IQCJ: variants seen among roughly 807,000 people sequenced by gnomAD.
IQCJ encodes the protein IQ domain-containing protein J.
A neutral mutation model predicts 11.0 loss-of-function variants in IQCJ; 9 were observed. The ratio of observed to expected loss-of-function variants is 0.82; its 90% CI spans 0.49 to 1.43. IQCJ has a LOEUF of 1.43. Among genes scored for constraint, IQCJ ranks in the 40% most tolerant of loss-of-function variants. The pLI, the probability that IQCJ is intolerant of heterozygous loss-of-function variation, is 0.00. For synonymous variants in IQCJ, 55 were observed against 51.3 expected (o/e 1.07, Z -0.31); for missense variants, 146 against 133.2 (o/e 1.10, Z -0.47).
chr3:159,159,570 C>A (rs1341451530), intron 1 of IQCJ, among the ~76,000 whole-genome samples: 1 of 152,118 alleles, frequency 6.6e-6, no homozygotes, highest in African/African-American at 2.4e-5. Flanking sequence ...TAACTATATT[C>A]CATTCTTATT....
intron 1 of IQCJ, among the ~76,000 whole-genome samples, chr3:159,147,637 A>T (rs571824149): frequency 6.6e-6 from 1 of 152,236 alleles, no homozygotes; most frequent in Non-Finnish European, 1.5e-5. Flanking sequence ...GGGGAGGGGA[A>T]TTAAGAAGAT....
chr3:159,231,494 G>A (rs1726246031), intron 1 of IQCJ, among the ~76,000 whole-genome samples: 1 of 151,988 alleles, frequency 6.6e-6, no homozygotes, highest in Admixed American at 6.6e-5. Context: ...GCTTGTTTAA[G>A]AATCGTTCCT....
At chr3:159,154,915 C>G (rs1721429583) in intron 1 of IQCJ, among the ~76,000 whole-genome samples, 1 of 152,106 alleles carries the variant, frequency 6.6e-6, no homozygotes, top group Non-Finnish European at 1.5e-5. Flanking sequence ...CTCTCCCTCC[C>G]CTTTACTCCC....
chr3:159,227,550 G>A (rs1725931035), intron 1 of IQCJ, among the ~76,000 whole-genome samples: 1 of 152,152 alleles, frequency 6.6e-6, no homozygotes, highest in Non-Finnish European at 1.5e-5. Flanking sequence ...TAGATTCAAT[G>A]GCTGTCTCCA....
intron 1 of IQCJ, among the ~76,000 whole-genome samples, chr3:159,095,345 G>A (rs1717655829): frequency 6.6e-6 from 1 of 151,418 alleles, no homozygotes; most frequent in South Asian, 2.1e-4. Flanking sequence ...AGATCAAGAG[G>A]AAAATTTATT....
At chr3:159,160,902 A>G (rs1721811893) in intron 1 of IQCJ, among the ~76,000 whole-genome samples, 1 of 152,120 alleles carries the variant, frequency 6.6e-6, no homozygotes, top group Admixed American at 6.6e-5. Flanking sequence ...TGGTGTATAT[A>G]TGCCACACTT....
intron 1 of IQCJ, among the ~76,000 whole-genome samples, chr3:159,103,075 T>G (rs970923118): frequency 6.6e-6 from 1 of 152,224 alleles, no homozygotes; most frequent in Non-Finnish European, 1.5e-5. Context: ...TATTTCTACA[T>G]AGGTCTGTCT....
chr3:159,136,326 G>A (rs1720288221), intron 1 of IQCJ, among the ~76,000 whole-genome samples: 1 of 152,116 alleles, frequency 6.6e-6, no homozygotes, highest in Admixed American at 6.6e-5. Context: ...AAATTGCCAT[G>A]GCCTTTGGGA....
intron 1 of IQCJ, among the ~76,000 whole-genome samples, chr3:159,088,359 T>C (rs2108073975): frequency 6.6e-6 from 1 of 152,286 alleles, no homozygotes; most frequent in African/African-American, 2.4e-5. Flanking sequence ...AATTTTGGAA[T>C]ATGTGTGGTG....
chr3:159,136,910 A>G (rs548472250), intron 1 of IQCJ, among the ~76,000 whole-genome samples: 1 of 152,330 alleles, frequency 6.6e-6, no homozygotes, highest in South Asian at 2.1e-4. Context: ...GTAAATTGAC[A>G]GCACAAATAC....
chr3:159,082,949 A>C (rs1223968906), intron 1 of IQCJ, among the ~76,000 whole-genome samples: 1 of 152,134 alleles, frequency 6.6e-6, no homozygotes, highest in Non-Finnish European at 1.5e-5. Context: ...CACATGCCTT[A>C]TACAAAAATT....
intron 1 of IQCJ, among the ~76,000 whole-genome samples, chr3:159,175,181 T>C (rs1722727004): frequency 6.6e-6 from 1 of 152,102 alleles, no homozygotes; most frequent in Non-Finnish European, 1.5e-5. Context: ...ACAATTAAGA[T>C]AGAAAGCAGG....
At chr3:159,072,075 CAAG>C (rs1715600850) in intron 1 of IQCJ, among the ~76,000 whole-genome samples, 1 of 152,130 alleles carries the variant, frequency 6.6e-6, no homozygotes, top group Non-Finnish European at 1.5e-5. Flanking sequence ...AAGGAGGTGT[CAAG>C]GAGGGAAGCT....
intron 1 of IQCJ, among the ~76,000 whole-genome samples, chr3:159,172,077 A>G (rs924869876): frequency 5.3e-5 from 8 of 152,192 alleles, no homozygotes; most frequent in African/African-American, 1.9e-4. Flanking sequence ...ATGCCTGTTG[A>G]TCTAGTAATT....
intron 1 of IQCJ, among the ~76,000 whole-genome samples, chr3:159,170,104 A>G (rs564010795): frequency 6.6e-6 from 1 of 152,346 alleles, no homozygotes; most frequent in East Asian, 1.9e-4. Flanking sequence ...GATCTCACTC[A>G]GAAAAAGATG....
At chr3:159,089,963 G>A (rs1305280211) in intron 1 of IQCJ, among the ~76,000 whole-genome samples, 1 of 151,882 alleles carries the variant, frequency 6.6e-6, no homozygotes, top group Non-Finnish European at 1.5e-5. Context: ...TTGCTGTTGA[G>A]GAACTGCATT....
intron 1 of IQCJ, among the ~76,000 whole-genome samples, chr3:159,230,171 C>T (rs1318989265): frequency 1.3e-5 from 2 of 151,992 alleles, no homozygotes; most frequent in Non-Finnish European, 2.9e-5. Context: ...CATTAATTCT[C>T]TTAGGATTAT....
intron 1 of IQCJ, among the ~76,000 whole-genome samples, chr3:159,127,238 T>C (rs1247459249): frequency 6.6e-6 from 1 of 152,196 alleles, no homozygotes; most frequent in East Asian, 1.9e-4. Context: ...TCTTCCTTTC[T>C]CATTTGTCAT....
At chr3:159,265,223 G>A (rs370003598), downstream of IQCJ, 4 of 1,613,168 alleles carry the variant, frequency 2.5e-6, no homozygotes, top group African/African-American at 4.0e-5. Flanking sequence ...AGTTTGCCAG[G>A]GCCCCTGTTG....
Sources: gnomAD v4.1 joint callset for allele counts (sites outside exome capture counted in the v4.1 genomes callset) on GRCh38, gnomAD v4.1.1 for gene constraint, MANE v1.5 for transcripts, NCBI Gene and HGNC (gene_info 2026-07-23, HGNC 2026-07-21) for gene names.